The following MEDAG variants were observed in gnomAD, a reference collection of about 807,000 sequenced individuals.
The protein encoded by MEDAG is mesenteric estrogen dependent adipogenesis.
In MEDAG, 25 loss-of-function variants were observed where a neutral mutation model predicts 29.9. The ratio of observed to expected loss-of-function variants is 0.84; its 90% CI spans 0.61 to 1.17. MEDAG has a LOEUF of 1.17. Ranked by LOEUF, MEDAG falls within the 50% of genes most tolerant of loss-of-function variation. MEDAG has a pLI of 0.00. For missense variants in MEDAG, 398 were observed against 372.9 expected (o/e 1.07, Z -0.56); for synonymous variants, 158 against 148.2 (o/e 1.07, Z -0.48).
At chr13:30,917,045 T>G (rs983061607) in intron 1 of MEDAG, among the ~76,000 whole-genome samples, 38 of 152,282 alleles carry the variant, frequency 2.5e-4, no homozygotes, top group African/African-American at 8.9e-4. Context: ...TTCAGCTAAT[T>G]CTACTATTAT....
intron 4 of MEDAG, 111 bp from the exon 5 acceptor site, chr13:30,924,200 G>A (rs1953017554): frequency 8.7e-7 from 1 of 1,147,158 alleles, no homozygotes; most frequent in Non-Finnish European, 1.2e-6. Flanking sequence ...AGGAAGCCAG[G>A]ATTCTCTATT....
chr13:30,914,690 A>G (rs1952910776), intron 1 of MEDAG, among the ~76,000 whole-genome samples: 2 of 152,180 alleles, frequency 1.3e-5, no homozygotes, highest in Admixed American at 1.3e-4. Flanking sequence ...GCCTTCCACC[A>G]AATTCCAGGG....
chr13:30,912,181 C>T (rs1952887955), intron 1 of MEDAG, among the ~76,000 whole-genome samples: 1 of 152,156 alleles, frequency 6.6e-6, no homozygotes, highest in Non-Finnish European at 1.5e-5. Flanking sequence ...TATGTGTACC[C>T]TTGAATAATG....
chr13:30,911,440 A>G (rs1156391461), intron 1 of MEDAG, among the ~76,000 whole-genome samples: 1 of 151,978 alleles, frequency 6.6e-6, no homozygotes, highest in East Asian at 1.9e-4. Flanking sequence ...GGTCCTTGCC[A>G]CCTACCTGCC....
At chr13:30,919,779 T>C (rs1315860747) in intron 2 of MEDAG, among the ~76,000 whole-genome samples, 1 of 152,004 alleles carries the variant, frequency 6.6e-6, no homozygotes. Flanking sequence ...TCCCTGGCTG[T>C]TAAATGGAGG....
chr13:30,912,131 C>T (rs1460576651), intron 1 of MEDAG, among the ~76,000 whole-genome samples: 2 of 152,180 alleles, frequency 1.3e-5, no homozygotes, highest in Non-Finnish European at 2.9e-5. Context: ...GTTTTACACA[C>T]ACTAAGTGTC....
intron 3 of MEDAG, among the ~76,000 whole-genome samples, 188 bp from the exon 4 acceptor site, chr13:30,921,373 T>C (rs1447299777): frequency 6.6e-6 from 1 of 152,222 alleles, no homozygotes; most frequent in Non-Finnish European, 1.5e-5. Flanking sequence ...TTCAGAATTT[T>C]TAGATGGAAT....
At chr13:30,914,408 C>T (rs1952908414) in intron 1 of MEDAG, among the ~76,000 whole-genome samples, 1 of 152,202 alleles carries the variant, frequency 6.6e-6, no homozygotes, top group Non-Finnish European at 1.5e-5. Context: ...AGTGTTTTTA[C>T]ACATCTGTGC....
In MEDAG at chr13:30,924,593, T is replaced by A; in HGVS notation, c.*158T>A. On this transcript the variant is annotated 3_prime_UTR_variant, in exon 5 of 5. Transcript: ENST00000380482. ...GGAGGACTCCTCTCTTCTGCTTCTG[T>A]GGATGTGATGCCCTGGCAGGCCCAG... is the stretch of plus-strand genomic sequence containing the variant. 1.5e-6 allele frequency: 1 copy of A among 679,806 alleles called. No individual in the cohort carries two copies. The highest frequency in any genetic ancestry group is 2.3e-6 in the Non-Finnish European group (1 of 428,798). 42.1% of individuals were successfully genotyped at this position (679,806 alleles called of 1,614,324 possible).
intron 4 of MEDAG, among the ~76,000 whole-genome samples, chr13:30,924,062 C>G (rs1369116774): frequency 6.6e-6 from 1 of 152,158 alleles, no homozygotes; most frequent in Non-Finnish European, 1.5e-5. Flanking sequence ...GCCTTTTGCC[C>G]TCAAGTGTGA....
intron 1 of MEDAG, among the ~76,000 whole-genome samples, chr13:30,907,612 G>T (rs547669165): frequency 1.3e-5 from 2 of 152,348 alleles, no homozygotes; most frequent in African/African-American, 4.8e-5. Flanking sequence ...ATGGCCTCAG[G>T]CCTCCAGAGT....
At chr13:30,915,831 C>G (rs1952922803) in intron 1 of MEDAG, among the ~76,000 whole-genome samples, 1 of 152,082 alleles carries the variant, frequency 6.6e-6, no homozygotes, top group South Asian at 2.1e-4. Context: ...CACCCCAGCG[C>G]CCCTCCTCCA....
chr13:30,920,627 A>G (rs889491035), intron 2 of MEDAG, among the ~76,000 whole-genome samples: 1 of 152,064 alleles, frequency 6.6e-6, no homozygotes, highest in African/African-American at 2.4e-5. Flanking sequence ...CCAGCACTGC[A>G]GGAACATGAA....
At chr13:30,911,426 C>T (rs563843472) in intron 1 of MEDAG, among the ~76,000 whole-genome samples, 16 of 152,084 alleles carry the variant, frequency 1.1e-4, no homozygotes, top group Admixed American at 2.0e-4. Context: ...CTCTCAGCCC[C>T]CCTGGTCCTT....
At chr13:30,909,152 C>T (rs191717912) in intron 1 of MEDAG, 1 of 152,984 alleles carries the variant, frequency 6.5e-6, no homozygotes, top group Admixed American at 6.5e-5. Context: ...CTCAGCATTC[C>T]CTGGATCAGT....
Position 30,924,376 on chromosome 13 carries a change from G to C in MEDAG, c.853G>C (p.Ala285Pro). 1 of 1,613,938 alleles carries C rather than the reference G, an allele frequency of 6.2e-7. No individual in the cohort carries two copies. The highest frequency in any genetic ancestry group is 1.3e-5 in the African/African-American group (1 of 74,986). Residue 285 changes from alanine to proline, a missense_variant, in exon 5 of 5, where the codon GCA becomes CCA. Transcript: ENST00000380482. ...ATCATCTCTGACAGAGCCTCTTTTG[G>C]CAGAATTACCATTTCCAAGTGTTCT... ...PRSSLTEPLL[A>P]ELPFPSVLES...
At chr13:30,908,459 G>A (rs1189460771) in intron 1 of MEDAG, among the ~76,000 whole-genome samples, 11 of 152,206 alleles carry the variant, frequency 7.2e-5, no homozygotes, top group Non-Finnish European at 7.3e-5. Context: ...ATAACTGAGT[G>A]TGCAGTCCTG....
rs1952835504 is a variant in MEDAG, at chr13:30,906,781, G to A, written c.266G>A (p.Ser89Asn). 3 of 1,502,584 alleles carry A rather than the reference G, an allele frequency of 2.0e-6. No individual in the cohort carries two copies. In the African/African-American group the frequency reaches 4.3e-5, roughly 22 times the overall value. The allele number at this position is 1,502,584 out of a possible 1,614,324, so 93.1% of individuals were successfully genotyped here. The change falls in exon 1 of 5, where the codon AGC becomes AAC. Residue 89 changes from serine (S) to asparagine (N), a missense_variant. Ser to Asn is a conservative substitution (Grantham distance 46, BLOSUM62 1). Transcript: ENST00000380482. ...RLDGQLYRLS[S>N]YIKRYVELTN... Reference sequence around the variant, plus strand: ...GACGGGCAGCTCTACCGCCTCAGCAGCTACATCAAGAGGTGGGTGGCCTCG... The same window carrying A: ...GACGGGCAGCTCTACCGCCTCAGCAACTACATCAAGAGGTGGGTGGCCTCG...
At chr13:30,922,763 A>G (rs1953000712) in intron 4 of MEDAG, 1 of 152,156 alleles carries the variant, frequency 6.6e-6, no homozygotes, top group South Asian at 2.1e-4. Context: ...GTCTTTTGCT[A>G]GTCTGGACTG....
Sources: allele counts gnomAD v4.1 joint callset (sites outside exome capture counted in the v4.1 genomes callset), GRCh38; gene constraint gnomAD v4.1.1; transcripts MANE v1.5; gene names NCBI Gene and HGNC (gene_info 2026-07-23, HGNC 2026-07-21).